PIP4K2A: variants seen among roughly 807,000 people sequenced by gnomAD.
PIP4K2A encodes the protein phosphatidylinositol 5-phosphate 4-kinase type-2 alpha.
PIP4K2A carries 14 observed loss-of-function variants against 42.9 expected under a neutral mutation model. The ratio of observed to expected loss-of-function variants is 0.33; its 90% CI spans 0.22 to 0.51. The LOEUF is 0.51. Ranked by LOEUF, PIP4K2A falls within the 20% of genes least tolerant of loss-of-function variation. The pLI is 0.97. For synonymous variants in PIP4K2A, 192 were observed against 192.2 expected (o/e 1.00, Z 0.01); for missense variants, 434 against 519.8 (o/e 0.83, Z 1.61).
intron 7 of PIP4K2A, among the ~76,000 whole-genome samples, chr10:22,542,590 GGTGCTTTCCACGT>G (rs376611784): frequency 2.0e-5 from 3 of 152,178 alleles, no homozygotes; most frequent in Non-Finnish European, 2.9e-5. Flanking sequence ...AGGTCAACAA[GGTGCTTTCCACGT>G]GTGCTTTCCA....
intron 1 of PIP4K2A, among the ~76,000 whole-genome samples, chr10:22,654,396 T>C (rs112334476): frequency 5.1e-4 from 78 of 152,152 alleles, no homozygotes; most frequent in African/African-American, 1.7e-3. Context: ...CGTGTAAAAA[T>C]AGATACTCAG....
chr10:22,573,777 G>A (rs947185292), intron 4 of PIP4K2A, among the ~76,000 whole-genome samples: 5 of 152,186 alleles, frequency 3.3e-5, no homozygotes, highest in Non-Finnish European at 7.3e-5. Flanking sequence ...CCTTTTAAGG[G>A]ATATTACACT....
intron 1 of PIP4K2A, among the ~76,000 whole-genome samples, chr10:22,665,451 G>T (rs986114409): frequency 6.6e-6 from 1 of 151,740 alleles, no homozygotes; most frequent in Non-Finnish European, 1.5e-5. Context: ...TGTTTCCATT[G>T]TATCTTTTGA....
rs539579433 is a variant in PIP4K2A, at chr10:22,711,503, T to C, written c.144+2680A>G. Among the ~76,000 whole-genome samples, 5 of 152,322 alleles carry C rather than the reference T, an allele frequency of 3.3e-5. No homozygotes were observed. The South Asian group carries it at 1.0e-3, about 32-fold the overall frequency. On this transcript the variant is annotated intron_variant, in intron 1 of 9. Transcript: ENST00000376573. ...GTATAACACTGTGCACCTAGTAGAC[T>C]GAAAAAACAGAATCTTGAGTTAGAC... is the stretch of plus-strand genomic sequence containing the variant.
At chr10:22,588,175 T>A (rs1837440538) in intron 4 of PIP4K2A, among the ~76,000 whole-genome samples, 1 of 152,256 alleles carries the variant, frequency 6.6e-6, no homozygotes, top group Non-Finnish European at 1.5e-5. Context: ...TTGTTCTTAA[T>A]TTGCTTTCGT....
At chr10:22,541,749 A>C in intron 8 of PIP4K2A, 55 bp downstream of exon 8, 1 of 1,490,142 alleles carries the variant, frequency 6.7e-7, no homozygotes, top group African/African-American at 1.4e-5. Context: ...GTAGATAACA[A>C]GGCCAAAGTC....
At chr10:22,631,128 CAG>C (rs2130770671) in intron 1 of PIP4K2A, among the ~76,000 whole-genome samples, 1 of 152,300 alleles carries the variant, frequency 6.6e-6, no homozygotes, top group East Asian at 1.9e-4. Flanking sequence ...ATGGTCAATA[CAG>C]AGTTTCTTTG....
At chr10:22,636,355 G>A (rs1838662060) in intron 1 of PIP4K2A, among the ~76,000 whole-genome samples, 1 of 152,138 alleles carries the variant, frequency 6.6e-6, no homozygotes, top group Admixed American at 6.5e-5. Context: ...AGGCTCAAGG[G>A]ATCCTCCCAC....
At chr10:22,694,526 T>C (rs558414224) in intron 1 of PIP4K2A, 3 of 152,382 alleles carry the variant, frequency 2.0e-5, no homozygotes, top group East Asian at 3.9e-4. Context: ...GTTTTAAGAA[T>C]GATTAACACA....
chr10:22,567,933 T>G, intron 5 of PIP4K2A, 44 bp from the exon 6 acceptor site: 1 of 1,558,236 alleles, frequency 6.4e-7, no homozygotes, highest in Non-Finnish European at 8.9e-7. Context: ...TGGGAGGCAT[T>G]GGGTTTCACA....
At chr10:22,599,803 G>T (rs1391703470) in intron 3 of PIP4K2A, among the ~76,000 whole-genome samples, 1 of 152,126 alleles carries the variant, frequency 6.6e-6, no homozygotes, top group African/African-American at 2.4e-5. Flanking sequence ...GCTGTTTGAG[G>T]CTCTGGTGCT....
chr10:22,594,317 A>G (rs186806721), intron 3 of PIP4K2A, among the ~76,000 whole-genome samples: 26 of 152,368 alleles, frequency 1.7e-4, no homozygotes, highest in African/African-American at 6.0e-4. Flanking sequence ...GTTCAGAATA[A>G]TAATTCATGG....
chr10:22,711,742 T>C (rs1286214397), intron 1 of PIP4K2A, among the ~76,000 whole-genome samples: 1 of 152,238 alleles, frequency 6.6e-6, no homozygotes, highest in East Asian at 1.9e-4. Flanking sequence ...CATTATACTA[T>C]AAACTTTGGT....
chr10:22,567,343 T>G (rs1836869010), intron 6 of PIP4K2A, among the ~76,000 whole-genome samples: 1 of 152,240 alleles, frequency 6.6e-6, no homozygotes, highest in East Asian at 1.9e-4. Flanking sequence ...CTTCTTATCC[T>G]TAATTTCTTA....
chr10:22,649,944 G>A lies in PIP4K2A; in HGVS notation c.145-40227C>T, dbSNP rs544367717. Reference sequence around the variant, plus strand: ...TCAGGTACAAAAGTTCCCCTGTATCGCTGCAAGAGAATGGCAGGAACACCC... The same window carrying A: ...TCAGGTACAAAAGTTCCCCTGTATCACTGCAAGAGAATGGCAGGAACACCC... On this transcript the variant is annotated intron_variant, in intron 1 of 9. Transcript: ENST00000376573. Among the ~76,000 whole-genome samples, 7 of 152,082 alleles carry A rather than the reference G, an allele frequency of 4.6e-5. No homozygotes were observed. The South Asian group carries it at 8.3e-4, about 18-fold the overall frequency.
chr10:22,606,395 C>T (rs1001482898), intron 3 of PIP4K2A, among the ~76,000 whole-genome samples: 3 of 152,194 alleles, frequency 2.0e-5, no homozygotes, highest in African/African-American at 7.2e-5. Flanking sequence ...CTTCCTGTCC[C>T]ACTAGCCAGC....
intron 1 of PIP4K2A, among the ~76,000 whole-genome samples, chr10:22,686,629 T>A (rs1020890222): frequency 6.6e-6 from 1 of 152,056 alleles, no homozygotes; most frequent in East Asian, 1.9e-4. Flanking sequence ...ACCAACTAAT[T>A]AGTTAAAAAA....
intron 9 of PIP4K2A, chr10:22,539,707 G>T (rs897629062): frequency 5.2e-6 from 2 of 387,572 alleles, no homozygotes; most frequent in East Asian, 4.0e-5. Context: ...GGAAGCCACA[G>T]GGAGCTGTGG....
intron 7 of PIP4K2A, among the ~76,000 whole-genome samples, chr10:22,549,874 A>T (rs1273976830): frequency 8.9e-6 from 1 of 112,226 alleles, no homozygotes; most frequent in South Asian, 3.0e-4. Flanking sequence ...AAAAAAAAAA[A>T]GAAAGGAAAG....
Sources: allele counts gnomAD v4.1 joint callset (sites outside exome capture counted in the v4.1 genomes callset), GRCh38; gene constraint gnomAD v4.1.1; transcripts MANE v1.5; gene names NCBI Gene and HGNC (gene_info 2026-07-23, HGNC 2026-07-21).